The following CEP85L variants were observed in gnomAD, a reference collection of about 807,000 sequenced individuals.
CEP85L encodes the protein centrosomal protein 85L.
In CEP85L, 60 loss-of-function variants were observed where a neutral mutation model predicts 100.3. The ratio of observed to expected loss-of-function variants is 0.60; its 90% CI spans 0.49 to 0.74. CEP85L has a LOEUF of 0.74. CEP85L is among the 30% of genes least tolerant of loss of function. CEP85L has a pLI of 0.00. For missense variants in CEP85L, 973 were observed against 936.2 expected, an observed-to-expected ratio of 1.04 and a Z score of -0.51; for synonymous variants, 319 against 322.7, an observed-to-expected ratio of 0.99 and a Z score of 0.12.
At chr6:118,507,889 G>C (rs934384818) in intron 5 of CEP85L, among the ~76,000 whole-genome samples, 2 of 152,086 alleles carry the variant, frequency 1.3e-5, no homozygotes, top group African/African-American at 4.8e-5. Context: ...AACCCTGTGC[G>C]AATCAACACA....
intron 1 of CEP85L, among the ~76,000 whole-genome samples, chr6:118,701,518 T>C (rs149852001): frequency 0.019 from 2,878 of 152,184 alleles, 88 homozygotes; most frequent in African/African-American, 0.066. Flanking sequence ...CAAATTAATG[T>C]AGGAACAGAA....
intron 1 of CEP85L, among the ~76,000 whole-genome samples, chr6:118,698,806 A>C (rs1401986452): frequency 3.3e-5 from 5 of 151,394 alleles, no homozygotes; most frequent in Non-Finnish European, 5.9e-5. Flanking sequence ...TAGTGCAAAA[A>C]AATTACAATA....
intron 2 of CEP85L, among the ~76,000 whole-genome samples, chr6:118,576,908 C>G (rs73526192): frequency 0.011 from 1,694 of 152,270 alleles, 42 homozygotes; most frequent in African/African-American, 0.039. Flanking sequence ...TAAACAAAAG[C>G]GATTGTTACG....
intron 5 of CEP85L, among the ~76,000 whole-genome samples, chr6:118,503,545 A>G (rs1775442892): frequency 6.6e-6 from 1 of 152,190 alleles, no homozygotes; most frequent in Non-Finnish European, 1.5e-5. Context: ...GACTTATAAT[A>G]AGGCTACAGT....
intron 7 of CEP85L, among the ~76,000 whole-genome samples, 193 bp downstream of exon 7, chr6:118,483,513 A>G (rs1773947572): frequency 6.6e-6 from 1 of 152,188 alleles, no homozygotes; most frequent in African/African-American, 2.4e-5. Flanking sequence ...CAGGATCAAT[A>G]GGAAGGTAAT....
At chr6:118,707,407 T>C (rs979264060) in intron 1 of CEP85L, among the ~76,000 whole-genome samples, 1 of 151,930 alleles carries the variant, frequency 6.6e-6, no homozygotes, top group African/African-American at 2.4e-5. Context: ...TTGCCCAGGA[T>C]GGAATGAAAC....
At chr6:118,689,758 G>A (rs902849140) in intron 1 of CEP85L, among the ~76,000 whole-genome samples, 1 of 152,082 alleles carries the variant, frequency 6.6e-6, no homozygotes, top group African/African-American at 2.4e-5. Flanking sequence ...CAAGCATTTA[G>A]TAATATTAAT....
At chr6:118,650,355 T>C (rs1380245079) in intron 1 of CEP85L, among the ~76,000 whole-genome samples, 1 of 152,238 alleles carries the variant, frequency 6.6e-6, no homozygotes, top group Non-Finnish European at 1.5e-5. Context: ...ACTTATTTTT[T>C]ATCCCAAGTT....
At chr6:118,500,796 A>T (rs143708035) in intron 5 of CEP85L, among the ~76,000 whole-genome samples, 3 of 152,318 alleles carry the variant, frequency 2.0e-5, no homozygotes, top group Admixed American at 1.3e-4. Flanking sequence ...CAGCCTAAGC[A>T]ACAGAGCAAT....
chr6:118,574,587 A>G (rs1490214996), intron 2 of CEP85L, among the ~76,000 whole-genome samples: 1 of 152,190 alleles, frequency 6.6e-6, no homozygotes, highest in African/African-American at 2.4e-5. Flanking sequence ...CTGCTGCCTC[A>G]CTGCGGTGGC....
At chr6:118,516,537 T>C (rs1776290487) in intron 4 of CEP85L, among the ~76,000 whole-genome samples, 2 of 152,228 alleles carry the variant, frequency 1.3e-5, no homozygotes, top group South Asian at 4.1e-4. Flanking sequence ...TTGTTGGCCA[T>C]ATAAATGTCT....
chr6:118,640,721 G>C (rs1774806200), intron 1 of CEP85L, among the ~76,000 whole-genome samples: 1 of 151,950 alleles, frequency 6.6e-6, no homozygotes, highest in African/African-American at 2.4e-5. Context: ...GTAGAGATGG[G>C]GTTTCGCCAT....
At chr6:118,705,336 T>C (rs1252904828) in intron 1 of CEP85L, among the ~76,000 whole-genome samples, 1 of 152,206 alleles carries the variant, frequency 6.6e-6, no homozygotes, top group South Asian at 2.1e-4. Context: ...GAGATAACAC[T>C]AAATAAGCAC....
chr6:118,632,677 T>G, intron 1 of CEP85L, 66 bp from the exon 2 acceptor site: 2 of 1,332,076 alleles, frequency 1.5e-6, no homozygotes, highest in Non-Finnish European at 2.0e-6. Flanking sequence ...TTTTTTTACC[T>G]TGTGGAAAAT....
At chr6:118,619,130 G>A (rs1400044521) in intron 2 of CEP85L, among the ~76,000 whole-genome samples, 1 of 152,098 alleles carries the variant, frequency 6.6e-6, no homozygotes, top group East Asian at 1.9e-4. Flanking sequence ...GACTAACCAG[G>A]GGTGCGGGCA....
At chr6:118,658,690 A>T (rs1005337289) in intron 1 of CEP85L, among the ~76,000 whole-genome samples, 2 of 152,176 alleles carry the variant, frequency 1.3e-5, no homozygotes, top group African/African-American at 4.8e-5. Context: ...TGTTAAATAT[A>T]AAAGTGGAAA....
rs751698371 is a variant in CEP85L, at chr6:118,709,556, T to TGTGTGTGTGTGTGTGTGTGTGTGTGTGA, written c.-28+479_-28+480insTCACACACACACACACACACACACACAC. ...GCGTGTGTGTGTGTGTGTGTGTGTG[T>TGTGTGTGTGTGTGTGTGTGTGTGTGTGA]GAGAGAGAGAGAGAGAGAGAGAGAG... On this transcript the variant is annotated intron_variant, in intron 1 of 13. Transcript: ENST00000368488. Among the ~76,000 whole-genome samples, 540 of 142,226 alleles carry TGTGTGTGTGTGTGTGTGTGTGTGTGTGA rather than the reference T, an allele frequency of 3.8e-3. 6 individuals are homozygous for TGTGTGTGTGTGTGTGTGTGTGTGTGTGA. The highest frequency in any genetic ancestry group is 0.014 in the African/African-American group (496 of 35,500). The allele number at this position is 142,226 out of a possible 152,430, so 93.3% of individuals were successfully genotyped here.
chr6:118,597,963 G>A (rs9489455), intron 2 of CEP85L, among the ~76,000 whole-genome samples: 103,417 of 152,070 alleles, frequency 0.68, 35,869 homozygotes, highest in Middle Eastern at 0.74. Context: ...GTGACTATAA[G>A]AAGATTATTG....
chr6:118,568,338 C>T (rs540744936), intron 2 of CEP85L, among the ~76,000 whole-genome samples: 1 of 152,320 alleles, frequency 6.6e-6, no homozygotes, highest in South Asian at 2.1e-4. Context: ...CTGTGAAGCA[C>T]CAAATATATT....
Sources: gnomAD v4.1 joint callset for allele counts (sites outside exome capture counted in the v4.1 genomes callset) on GRCh38, gnomAD v4.1.1 for gene constraint, MANE v1.5 for transcripts, NCBI Gene and HGNC (gene_info 2026-07-23, HGNC 2026-07-21) for gene names.